PDZD8: variants seen among roughly 807,000 people sequenced by gnomAD.
The protein encoded by PDZD8 is PDZ domain containing 8.
In PDZD8, 14 loss-of-function variants were observed where a neutral mutation model predicts 85.8. That is an observed-to-expected ratio of 0.16 (90% CI 0.11 to 0.26). The LOEUF (loss-of-function observed/expected upper bound fraction) is 0.26. Among genes scored for constraint, PDZD8 ranks in the 10% least tolerant of loss-of-function variants. The pLI is 1.00. For missense variants in PDZD8, 1,197 were observed against 1,424.3 expected (o/e 0.84, Z 2.57); for synonymous variants, 592 against 568.6 (o/e 1.04, Z -0.59).
intron 2 of PDZD8, among the ~76,000 whole-genome samples, chr10:117,322,334 C>G (rs528415441): frequency 1.3e-5 from 2 of 152,274 alleles, no homozygotes; most frequent in Non-Finnish European, 2.9e-5. Context: ...TGCTGACCCC[C>G]CTTTTGGATC....
chr10:117,342,688 G>T (rs1448352485), intron 1 of PDZD8, among the ~76,000 whole-genome samples: 1 of 152,150 alleles, frequency 6.6e-6, no homozygotes, highest in East Asian at 1.9e-4. Context: ...ACGCTGGCCA[G>T]ATCAGTCTTG....
chr10:117,334,338 C>G (rs114726130), intron 2 of PDZD8, among the ~76,000 whole-genome samples: 15 of 152,148 alleles, frequency 9.9e-5, no homozygotes, highest in Admixed American at 8.5e-4. Context: ...AAAACTCTTT[C>G]TCTACTAAAA....
At position 117,374,913 on chromosome 10, in the gene PDZD8, C is replaced by A. The variant is rs1281761124; in HGVS notation, c.315G>T (p.Leu105=). The A allele has an allele frequency of 1.9e-6, 3 of 1,613,350 alleles. No homozygotes were observed. The East Asian group carries it at 6.7e-5, about 36-fold the overall frequency. Residue 105 remains leucine, a synonymous_variant, in exon 1 of 5, where the codon CTG becomes CTT. Coordinates refer to ENST00000334464, the MANE Select transcript of PDZD8 (RefSeq NM_173791.5). The surrounding 1 kb of genome is among the most constrained non-coding windows in gnomAD (Gnocchi z 7.8). The stretch of plus-strand genomic sequence containing the variant: ...GCGCGGTGTCCCGCAACTCCCGGAA[C>A]AGGAATAGGATGGTGGCGTTGAGGA... ...CYFLNATILF[L]FRELRDTALT...
chr10:117,367,868 C>T (rs139889648), intron 1 of PDZD8, among the ~76,000 whole-genome samples: 4,882 of 151,694 alleles, frequency 0.032, 86 homozygotes, highest in South Asian at 0.039. Context: ...TGCAGTGAGC[C>T]GAGATCATGC....
At chr10:117,343,066 A>C (rs989213295) in intron 1 of PDZD8, among the ~76,000 whole-genome samples, 18 of 59,654 alleles carry the variant, frequency 3.0e-4, no homozygotes, top group Middle Eastern at 7.4e-3. Context: ...AATTCTCTGC[A>C]TCCATCATCC....
intron 1 of PDZD8, among the ~76,000 whole-genome samples, chr10:117,371,248 G>A (rs1362389426): frequency 6.6e-6 from 1 of 152,090 alleles, no homozygotes; most frequent in Non-Finnish European, 1.5e-5. Flanking sequence ...GCAGTGGTGC[G>A]ATATCGGCTG....
At chr10:117,348,614 C>T (rs1377256973) in intron 1 of PDZD8, among the ~76,000 whole-genome samples, 1 of 152,162 alleles carries the variant, frequency 6.6e-6, no homozygotes, top group African/African-American at 2.4e-5. Context: ...ACAGACTTTT[C>T]TCCATGTGCA....
chr10:117,351,043 T>C (rs373263491), intron 1 of PDZD8, among the ~76,000 whole-genome samples: 9 of 152,236 alleles, frequency 5.9e-5, no homozygotes, highest in African/African-American at 1.2e-4. Context: ...TTAAGTAAAA[T>C]GAAAGAACAA....
intron 1 of PDZD8, among the ~76,000 whole-genome samples, chr10:117,348,863 A>G (rs892078614): frequency 1.3e-5 from 2 of 152,148 alleles, no homozygotes; most frequent in Non-Finnish European, 2.9e-5. Flanking sequence ...AACTGACTTG[A>G]TTACCACCCT....
At chr10:117,351,964 C>T (rs186108876) in intron 1 of PDZD8, among the ~76,000 whole-genome samples, 13 of 152,312 alleles carry the variant, frequency 8.5e-5, no homozygotes, top group African/African-American at 2.4e-4. Context: ...TAGGAGTGAG[C>T]CACTATACTT....
rs113974697 is a variant in PDZD8 at position 117,334,415 on chromosome 10, G to A, written c.995+6565C>T. Reference sequence around the variant, plus strand: ...TCCCAGCTACTTGGGAGGCTGAGGCGGGAGGATCGCTTGAGCCCAGGAGGT... The same window carrying A: ...TCCCAGCTACTTGGGAGGCTGAGGCAGGAGGATCGCTTGAGCCCAGGAGGT... On this transcript the variant is annotated intron_variant, in intron 2 of 4. Coordinates refer to ENST00000334464, the MANE Select transcript of PDZD8 (RefSeq NM_173791.5). 3.6e-3 allele frequency among the ~76,000 whole-genome samples: 552 copies of A among 152,162 alleles called. 3 individuals carry two copies. Among genetic ancestry groups the A allele is most frequent in the African/African-American group, 0.012 (504 of 41,522 alleles).
rs1270820692 is a variant in PDZD8 at position 117,284,168 on chromosome 10, G to A, written c.2565C>T (p.Asp855=). Residue 855 remains aspartate (D), a synonymous_variant, in exon 5 of 5, where the codon GAC becomes GAT. Transcript: ENST00000334464. ...DTQFQNPTWC[D]YCKKKVWTKA... ...TAGTCCAAACTTTTTTCTTACAGTA[G>A]TCACACCATGTTGGGTTCTGGAACT... 2 of 1,614,066 alleles carry A rather than the reference G, an allele frequency of 1.2e-6. No individual in the cohort carries two copies. Among genetic ancestry groups the A allele is most frequent in the African/African-American group, 2.7e-5 (2 of 74,920 alleles).
intron 3 of PDZD8, among the ~76,000 whole-genome samples, chr10:117,302,642 G>A (rs1306974788): frequency 6.6e-6 from 1 of 152,178 alleles, no homozygotes; most frequent in African/African-American, 2.4e-5. Flanking sequence ...TATCTGATAT[G>A]GTTTGGCTGT....
chr10:117,357,953 G>C (rs887869358), intron 1 of PDZD8, among the ~76,000 whole-genome samples: 3 of 151,990 alleles, frequency 2.0e-5, no homozygotes, highest in Non-Finnish European at 4.4e-5. Flanking sequence ...AAAATACGTG[G>C]GATTTGCTTC....
intron 4 of PDZD8, among the ~76,000 whole-genome samples, chr10:117,289,261 T>C (rs1163180519): frequency 2.6e-5 from 4 of 152,218 alleles, no homozygotes; most frequent in Non-Finnish European, 4.4e-5. Flanking sequence ...TGCAACTAAA[T>C]AATTTTCATT....
At chr10:117,357,701 G>C (rs931069601) in intron 1 of PDZD8, among the ~76,000 whole-genome samples, 3 of 133,462 alleles carry the variant, frequency 2.2e-5, no homozygotes, top group Admixed American at 8.5e-5. Context: ...AGAAGGCAGA[G>C]GTTGCAGTGA....
At chr10:117,333,365 T>A (rs369746388) in intron 2 of PDZD8, among the ~76,000 whole-genome samples, 2 of 152,228 alleles carry the variant, frequency 1.3e-5, no homozygotes, top group African/African-American at 4.8e-5. Flanking sequence ...CAACTAATAA[T>A]ACAATTATTT....
In PDZD8 at chr10:117,357,765, CCAAAAAAAAAAAAAAAA is replaced by C. The variant is rs1844921541; in HGVS notation, c.872+16574_872+16590del. On this transcript the variant is annotated intron_variant, in intron 1 of 4. Transcript: ENST00000334464. ...TGGGCAACAGAGCAAGACTTCATCT[CCAAAAAAAAAAAAAAAA>C]AAAAAAAAAAAAAAAAAAAAAAAAA... 4.2e-4 allele frequency among the ~76,000 whole-genome samples: 12 copies of C among 28,250 alleles called. 1 individual carries two copies. Among genetic ancestry groups the C allele is most frequent in the South Asian group, 1.6e-3 (1 of 616 alleles). The allele number at this position is 28,250 out of a possible 152,430, so 18.5% of individuals were successfully genotyped here.
intron 2 of PDZD8, among the ~76,000 whole-genome samples, chr10:117,324,657 T>C (rs1436398084): frequency 6.6e-6 from 1 of 152,190 alleles, no homozygotes; most frequent in Non-Finnish European, 1.5e-5. Flanking sequence ...TTTATAAAAC[T>C]CTAATGAAGA....
Sources: allele counts gnomAD v4.1 joint callset (sites outside exome capture counted in the v4.1 genomes callset), GRCh38; gene constraint gnomAD v4.1.1; non-coding constraint Gnocchi (gnomAD v3.1); transcripts MANE v1.5; gene names NCBI Gene and HGNC (gene_info 2026-07-23, HGNC 2026-07-21).